SMIM8: variants seen among roughly 807,000 people sequenced by gnomAD.
SMIM8 encodes small integral membrane protein 8, also known as UPF0708 protein C6orf162.
In SMIM8, 8 loss-of-function variants were observed where a neutral mutation model predicts 8.1. The ratio of observed to expected loss-of-function variants is 0.99; its 90% confidence interval spans 0.58 to 1.78. The LOEUF (loss-of-function observed/expected upper bound fraction) is 1.78, where lower values mean the gene tolerates loss of function less well. Ranked by LOEUF, SMIM8 falls within the 40% of genes most tolerant of loss-of-function variation. SMIM8 has a pLI of 0.00. For missense variants in SMIM8, 126 were observed against 119.8 expected (o/e 1.05, Z -0.24); for synonymous variants, 45 against 39.7 (o/e 1.13, Z -0.50).
At chr6:87,332,131 A>G (rs445434) in intron 2 of SMIM8, among the ~76,000 whole-genome samples, 55,827 of 151,592 alleles carry the variant, frequency 0.37, 11,919 homozygotes, top group Non-Finnish European at 0.48. Flanking sequence ...CAATCTTACA[A>G]ATAAAATTAA....
Position 87,335,687 on chromosome 6 carries a change from G to A in SMIM8, c.-23-1322G>A, listed in dbSNP as rs115378848. On this transcript the variant is annotated intron_variant, in intron 2 of 3. Transcript: ENST00000392863. ...TTGATTTTATAAAGTCTATAAAATA[G>A]TAAGCTTAATGAATACTTATACTGG... Among the ~76,000 whole-genome samples the A allele has an allele frequency of 6.2e-3, 947 of 152,076 alleles. 14 individuals carry two copies. Among genetic ancestry groups the A allele is most frequent in the African/African-American group, 0.022 (910 of 41,448 alleles).
intron 2 of SMIM8, among the ~76,000 whole-genome samples, chr6:87,335,244 T>C (rs1237627728): frequency 6.6e-6 from 1 of 152,204 alleles, no homozygotes; most frequent in Non-Finnish European, 1.5e-5. Context: ...TTTGAACCAA[T>C]CTAGCACTCA....
intron 2 of SMIM8, among the ~76,000 whole-genome samples, chr6:87,334,325 C>G (rs1777056995): frequency 6.6e-6 from 1 of 152,200 alleles, no homozygotes; most frequent in African/African-American, 2.4e-5. Flanking sequence ...AATTGTTTCA[C>G]AAGTTGCCTG....
At chr6:87,337,263 A>C (rs1777135156) in intron 3 of SMIM8, 97 bp downstream of exon 3, 1 of 1,385,710 alleles carries the variant, frequency 7.2e-7, no homozygotes, top group Non-Finnish European at 9.6e-7. Flanking sequence ...TGGAAATTTT[A>C]TGTTGACAAG....
intron 1 of SMIM8, among the ~76,000 whole-genome samples, chr6:87,328,070 T>A (rs1352441380): frequency 6.6e-6 from 1 of 152,212 alleles, no homozygotes; most frequent in Non-Finnish European, 1.5e-5. Context: ...TTCTGCATTC[T>A]TCACGTAGTT....
intron 1 of SMIM8, among the ~76,000 whole-genome samples, chr6:87,329,722 C>A (rs565198496): frequency 6.6e-6 from 1 of 151,824 alleles, no homozygotes; most frequent in South Asian, 2.1e-4. Context: ...TTTATCAATT[C>A]AAGAGTAAGA....
At chr6:87,337,306 G>A in intron 3 of SMIM8, 140 bp downstream of exon 3, 1 of 873,128 alleles carries the variant, frequency 1.1e-6, no homozygotes, top group Non-Finnish European at 1.6e-6. Flanking sequence ...GCAGGTGGAA[G>A]GACGATTGTA....
Position 87,341,047 on chromosome 6 carries a change from G to C in SMIM8, c.*773G>C, listed in dbSNP as rs1777222200. ...ATTAATGTTAATTAATTTTGTTTAT[G>C]TTAATTTGTGTTAATTAATGTTACT... On this transcript the variant is annotated 3_prime_UTR_variant, in exon 4 of 4. Coordinates refer to ENST00000392863, the MANE Select transcript of SMIM8 (RefSeq NM_001042493.3). 1 of 365,128 alleles carries C rather than the reference G, an allele frequency of 2.7e-6. No individual in the cohort carries two copies. Among genetic ancestry groups the C allele is most frequent in the African/African-American group, 2.1e-5 (1 of 47,566 alleles). 22.6% of individuals were successfully genotyped at this position (365,128 alleles called of 1,614,324 possible). A position where few individuals can be genotyped will look rare whatever the true frequency, so the allele number is the denominator to read the frequency against.
chr6:87,337,312 T>G (rs1777135672), intron 3 of SMIM8, 146 bp downstream of exon 3: 1 of 779,498 alleles, frequency 1.3e-6, no homozygotes, highest in African/African-American at 1.7e-5. Context: ...GGAAGGACGA[T>G]TGTAAATGCT....
Position 87,334,612 on chromosome 6 carries a change from G to A in SMIM8, c.-23-2397G>A, listed in dbSNP as rs535555127. 3.2e-4 allele frequency among the ~76,000 whole-genome samples: 48 copies of A among 152,260 alleles called. No individual in the cohort carries two copies. In the South Asian group the frequency reaches 9.1e-3, roughly 29 times the overall value. Reference sequence around the variant, plus strand: ...AGCCACCCCGCCCAGCCTGAATGGTGTTTTAAGTGCTGATGAAACAGGTGT... The same window carrying A: ...AGCCACCCCGCCCAGCCTGAATGGTATTTTAAGTGCTGATGAAACAGGTGT... On this transcript the variant is annotated intron_variant, in intron 2 of 3. Transcript: ENST00000392863.
At chr6:87,339,436 TTGTG>T (rs150051963) in intron 3 of SMIM8, among the ~76,000 whole-genome samples, 1,703 of 113,216 alleles carry the variant, frequency 0.015, 27 homozygotes, top group Middle Eastern at 0.03. Context: ...GTGTGTGTGT[TTGTG>T]TGTGTGTGTG....
intron 1 of SMIM8, among the ~76,000 whole-genome samples, chr6:87,325,179 G>T (rs1776786431): frequency 2.0e-5 from 3 of 152,016 alleles, no homozygotes; most frequent in Admixed American, 1.3e-4. Context: ...GAGACAATGG[G>T]GTTTTCTAGG....
rs758127038 is a variant in SMIM8 at position 87,341,002 on chromosome 6, CTATT to C, written c.*730_*733del. The C allele has an allele frequency of 1.9e-4, 55 of 283,224 alleles. No homozygotes were observed. The Middle Eastern group carries it at 4.1e-3, about 21-fold the overall frequency. 17.5% of individuals were successfully genotyped at this position (283,224 alleles called of 1,614,324 possible). A position where few individuals can be genotyped will look rare whatever the true frequency, so the allele number is the denominator to read the frequency against. On this transcript the variant is annotated 3_prime_UTR_variant, in exon 4 of 4. Transcript: ENST00000392863. ...GATTTTGACTACAACTAAATGTTAT[CTATT>C]TTAGTGTTTATGTTAATTAATGTTA...
chr6:87,337,204 C>A, intron 3 of SMIM8, 38 bp downstream of exon 3: 1 of 1,525,356 alleles, frequency 6.6e-7, no homozygotes, highest in South Asian at 1.3e-5. Context: ...TGTGTTTAAT[C>A]CAACCAGACT....
intron 3 of SMIM8, among the ~76,000 whole-genome samples, chr6:87,338,178 T>G (rs542168112): frequency 6.6e-6 from 1 of 152,352 alleles, no homozygotes; most frequent in East Asian, 1.9e-4. Flanking sequence ...AAATTTAAAC[T>G]GCTCTGAGTC....
At chr6:87,331,494 T>C (rs923390328) in intron 2 of SMIM8, among the ~76,000 whole-genome samples, 4 of 152,252 alleles carry the variant, frequency 2.6e-5, no homozygotes, top group African/African-American at 4.8e-5. Flanking sequence ...ACCTGTTTTA[T>C]TTATTCCTGG....
intron 2 of SMIM8, among the ~76,000 whole-genome samples, chr6:87,333,968 G>A (rs1189066120): frequency 6.6e-6 from 1 of 152,212 alleles, no homozygotes; most frequent in Non-Finnish European, 1.5e-5. Context: ...TCTGCCCCTG[G>A]TGAGGGCTTC....
intron 1 of SMIM8, chr6:87,329,217 G>C (rs1255037228): frequency 6.5e-6 from 1 of 154,676 alleles, no homozygotes. Context: ...CATCTTCTGC[G>C]TTGCTCACTC....
chr6:87,323,884 C>G (rs1776745430), intron 1 of SMIM8, among the ~76,000 whole-genome samples: 2 of 152,144 alleles, frequency 1.3e-5, no homozygotes, highest in African/African-American at 4.8e-5. Flanking sequence ...GGTTTACAGG[C>G]CACCAACAGT....
Sources: gnomAD v4.1 joint callset for allele counts (sites outside exome capture counted in the v4.1 genomes callset) on GRCh38, gnomAD v4.1.1 for gene constraint, MANE v1.5 for transcripts, NCBI Gene and HGNC (gene_info 2026-07-23, HGNC 2026-07-21) for gene names.